PPP2R2B: variants seen among roughly 807,000 people sequenced by gnomAD.
PPP2R2B encodes protein phosphatase 2 regulatory subunit Bbeta, also known as serine/threonine-protein phosphatase 2A 55 kDa regulatory subunit B beta isoform.
Under a neutral mutation model 46.0 loss-of-function variants are expected in PPP2R2B, and 5 were observed. The observed-to-expected ratio is 0.11, with a 90% CI of 0.06 to 0.23. The LOEUF (loss-of-function observed/expected upper bound fraction) is 0.23, where lower values mean the gene tolerates loss of function less well. PPP2R2B is among the 10% of genes least tolerant of loss of function. The pLI is 1.00. For synonymous variants in PPP2R2B, 215 were observed against 206.7 expected (o/e 1.04, Z -0.34); for missense variants, 367 against 575.0 (o/e 0.64, Z 3.70).
At chr5:146,636,668 GA>G (rs1774846458) in intron 7 of PPP2R2B, among the ~76,000 whole-genome samples, 1 of 152,144 alleles carries the variant, frequency 6.6e-6, no homozygotes, top group South Asian at 2.1e-4. Flanking sequence ...GATACTATGG[GA>G]ACCAGACTCT....
chr5:147,035,651 G>A (rs1756003597), intron 1 of PPP2R2B, among the ~76,000 whole-genome samples: 1 of 152,140 alleles, frequency 6.6e-6, no homozygotes, highest in Non-Finnish European at 1.5e-5. Flanking sequence ...AAAGTAGAAA[G>A]TCATTTACAT....
At chr5:146,877,935 C>G in intron 2 of PPP2R2B, 67 bp downstream of exon 2, 2 of 1,550,064 alleles carry the variant, frequency 1.3e-6, no homozygotes, top group Non-Finnish European at 1.8e-6. Context: ...CCCAGCTGCC[C>G]AGGAAGCACA....
chr5:146,937,304 A>G (rs1764184026), intron 1 of PPP2R2B, among the ~76,000 whole-genome samples: 1 of 147,692 alleles, frequency 6.8e-6, no homozygotes, highest in South Asian at 2.1e-4. Context: ...CCGTCTCAGA[A>G]AAAAAAAAAA....
chr5:146,647,134 C>G (rs1449552608), intron 6 of PPP2R2B, among the ~76,000 whole-genome samples: 1 of 80,760 alleles, frequency 1.2e-5, no homozygotes, highest in Non-Finnish European at 2.9e-5. Context: ...TTACTTAATG[C>G]TTTACATACA....
At chr5:146,918,512 C>T (rs1445806582) in intron 1 of PPP2R2B, 2 of 152,028 alleles carry the variant, frequency 1.3e-5, no homozygotes, top group Admixed American at 6.6e-5. Flanking sequence ...TCTATATAGC[C>T]CTCTCATTTA....
chr5:147,066,531 C>T (rs1757419145), intron 2 of PPP2R2B, among the ~76,000 whole-genome samples: 1 of 152,124 alleles, frequency 6.6e-6, no homozygotes, highest in Non-Finnish European at 1.5e-5. Flanking sequence ...GTCATGCAGC[C>T]TCTGCTAAGA....
intron 1 of PPP2R2B, among the ~76,000 whole-genome samples, chr5:147,037,576 T>A (rs1296316370): frequency 6.6e-6 from 1 of 152,142 alleles, no homozygotes; most frequent in African/African-American, 2.4e-5. Context: ...GGTGTATGTG[T>A]GTGTAAAAGT....
At chr5:146,992,377 G>A (rs574469041) in intron 1 of PPP2R2B, among the ~76,000 whole-genome samples, 6 of 152,350 alleles carry the variant, frequency 3.9e-5, no homozygotes, top group African/African-American at 1.4e-4. Context: ...TTGAAAAAAT[G>A]TAGAGCCACT....
intron 1 of PPP2R2B, among the ~76,000 whole-genome samples, chr5:146,966,178 A>G (rs747678567): frequency 6.6e-6 from 1 of 152,200 alleles, no homozygotes; most frequent in African/African-American, 2.4e-5. Flanking sequence ...GCTGCCTGCG[A>G]TATTAGTGTT....
At chr5:147,000,707 ATACT>A (rs1364892042) in intron 1 of PPP2R2B, among the ~76,000 whole-genome samples, 1 of 151,530 alleles carries the variant, frequency 6.6e-6, no homozygotes, top group African/African-American at 2.4e-5. Flanking sequence ...CACCAACCTA[ATACT>A]TACTGATCAC....
At chr5:146,781,976 T>C (rs929907764) in intron 2 of PPP2R2B, among the ~76,000 whole-genome samples, 2 of 152,128 alleles carry the variant, frequency 1.3e-5, no homozygotes, top group Non-Finnish European at 1.5e-5. Flanking sequence ...TGTTGAATGG[T>C]TTAACACCAT....
At chr5:146,706,351 G>A in intron 2 of PPP2R2B, 1 of 607,958 alleles carries the variant, frequency 1.6e-6, no homozygotes, top group Non-Finnish European at 3.0e-6. Flanking sequence ...CGTAGCTGAG[G>A]CCAGAGCCTG....
chr5:147,026,238 T>G (rs1476482837), intron 1 of PPP2R2B, among the ~76,000 whole-genome samples: 6 of 152,064 alleles, frequency 3.9e-5, no homozygotes, highest in African/African-American at 1.4e-4. Flanking sequence ...CAAATATCCA[T>G]CAACAGATAA....
intron 1 of PPP2R2B, among the ~76,000 whole-genome samples, chr5:146,981,891 T>G (rs906375873): frequency 6.6e-6 from 1 of 152,218 alleles, no homozygotes; most frequent in Non-Finnish European, 1.5e-5. Context: ...GAACTCTGAC[T>G]CATAACCTCT....
chr5:146,727,421 A>G (rs75564869), intron 2 of PPP2R2B, among the ~76,000 whole-genome samples: 7,985 of 152,180 alleles, frequency 0.052, 376 homozygotes, highest in African/African-American at 0.13. Context: ...AAATAAAGCT[A>G]ATTAACATAA....
At chr5:146,991,736 T>C (rs1753707183) in intron 1 of PPP2R2B, among the ~76,000 whole-genome samples, 1 of 151,926 alleles carries the variant, frequency 6.6e-6, no homozygotes, top group Non-Finnish European at 1.5e-5. Flanking sequence ...CTAAAATTAA[T>C]TAATCAAAGA....
intron 2 of PPP2R2B, among the ~76,000 whole-genome samples, chr5:146,812,337 T>C (rs1258462175): frequency 6.7e-6 from 1 of 149,718 alleles, no homozygotes; most frequent in African/African-American, 2.5e-5. Flanking sequence ...TGGAGCCTAG[T>C]AGATCTAAGG....
chr5:146,878,939 T>C (rs1047482144), upstream of PPP2R2B: 34 of 1,136,216 alleles, frequency 3.0e-5, 1 homozygote, highest in African/African-American at 3.3e-5. The surrounding 1 kb of genome is among the most constrained non-coding windows in gnomAD (Gnocchi z 4.5). Context: ...GCTTGCAGGT[T>C]CAGGTGGAAC....
intron 2 of PPP2R2B, among the ~76,000 whole-genome samples, chr5:146,869,458 G>A (rs1761489717): frequency 6.6e-6 from 1 of 152,210 alleles, no homozygotes; most frequent in South Asian, 2.1e-4. Context: ...CCATTAAAAG[G>A]CATGAGACAG....
Sources: gnomAD v4.1 joint callset for allele counts (sites outside exome capture counted in the v4.1 genomes callset) on GRCh38, gnomAD v4.1.1 for gene constraint, Gnocchi (gnomAD v3.1) non-coding constraint, MANE v1.5 for transcripts, NCBI Gene and HGNC (gene_info 2026-07-23, HGNC 2026-07-21) for gene names.